The following FBLN2 variants were observed in gnomAD, a reference collection of about 807,000 sequenced individuals.
FBLN2 encodes the protein fibulin 2.
FBLN2 carries 81 observed loss-of-function variants against 123.7 expected under a neutral mutation model. The observed-to-expected ratio is 0.65, with a 90% CI of 0.55 to 0.79. The LOEUF (loss-of-function observed/expected upper bound fraction) is 0.79, where lower values mean the gene tolerates loss of function less well. FBLN2 is among the 30% of genes least tolerant of loss of function. The pLI is 0.00. For synonymous variants in FBLN2, 699 were observed against 701.4 expected (o/e 1.00, Z 0.05); for missense variants, 1,603 against 1,681.3 (o/e 0.95, Z 0.81).
chr3:13,551,362 C>G (rs945823611), intron 1 of FBLN2, among the ~76,000 whole-genome samples: 1 of 152,142 alleles, frequency 6.6e-6, no homozygotes, highest in Non-Finnish European at 1.5e-5. Context: ...ATGGGGACCC[C>G]GTGAAGCAAG....
chr3:13,600,763 C>A (rs11712649), intron 2 of FBLN2, among the ~76,000 whole-genome samples: 1 of 151,936 alleles, frequency 6.6e-6, no homozygotes, highest in African/African-American at 2.4e-5. Context: ...TTACAGGTGC[C>A]CACCACCATG....
intron 2 of FBLN2, among the ~76,000 whole-genome samples, chr3:13,585,421 C>T (rs1469522683): frequency 2.0e-5 from 3 of 152,132 alleles, no homozygotes; most frequent in Admixed American, 1.3e-4. Flanking sequence ...AGTGCCTGGT[C>T]AAGTTCTAGG....
chr3:13,623,485 C>T (rs528269143), intron 9 of FBLN2, among the ~76,000 whole-genome samples: 1 of 152,362 alleles, frequency 6.6e-6, no homozygotes, highest in South Asian at 2.1e-4. Flanking sequence ...AGCACCTCTT[C>T]ATCCTTCCAT....
chr3:13,554,198 C>T (rs77791264), intron 1 of FBLN2, among the ~76,000 whole-genome samples: 5,588 of 152,306 alleles, frequency 0.037, 359 homozygotes, highest in African/African-American at 0.13. Context: ...TGCTGCTGGC[C>T]GTAGCTGGTT....
In FBLN2 at chr3:13,595,958, T is replaced by C. The variant is rs567933968; in HGVS notation, c.1307-12104T>C. 2.0e-5 allele frequency among the ~76,000 whole-genome samples: 3 copies of C among 152,304 alleles called. No individual in the cohort carries two copies. The South Asian group carries it at 6.2e-4, about 32-fold the overall frequency. ...CAGTTACCAGTTTCTTGGGTATCCT[T>C]CCAGAAATAATCCATGCATATCCAT... On this transcript the variant is annotated intron_variant, in intron 2 of 17. Transcript: ENST00000404922.
chr3:13,619,677 G>A (rs1324829181), intron 7 of FBLN2, 53 bp from the exon 8 acceptor site: 1 of 1,501,214 alleles, frequency 6.7e-7, no homozygotes, highest in Non-Finnish European at 9.2e-7. Flanking sequence ...ATGAGCCAGT[G>A]TGGACCAAGG....
intron 2 of FBLN2, among the ~76,000 whole-genome samples, chr3:13,583,208 A>T (rs1704393246): frequency 1.3e-5 from 2 of 152,234 alleles, no homozygotes; most frequent in Admixed American, 6.5e-5. Flanking sequence ...TGCCACCCTC[A>T]CAGGTCACCC....
chr3:13,576,690 A>T (rs1704153959), intron 2 of FBLN2, among the ~76,000 whole-genome samples: 1 of 150,772 alleles, frequency 6.6e-6, no homozygotes, highest in South Asian at 2.1e-4. Context: ...GGTGAGGAGG[A>T]ATTACTGAGA....
chr3:13,550,921 C>T (rs1489503737), intron 1 of FBLN2, among the ~76,000 whole-genome samples: 1 of 152,214 alleles, frequency 6.6e-6, no homozygotes, highest in Non-Finnish European at 1.5e-5. Flanking sequence ...TAGCTGCCTG[C>T]ATTTACAAAT....
chr3:13,582,218 C>T (rs1177987811), intron 2 of FBLN2, among the ~76,000 whole-genome samples: 2 of 152,172 alleles, frequency 1.3e-5, no homozygotes, highest in Non-Finnish European at 2.9e-5. Flanking sequence ...GAGCCCTGGG[C>T]TGCATCCTGT....
chr3:13,580,270 G>GT (rs1704281236), intron 2 of FBLN2, among the ~76,000 whole-genome samples: 1 of 152,086 alleles, frequency 6.6e-6, no homozygotes, highest in Non-Finnish European at 1.5e-5. Context: ...TTATATGGAC[G>GT]TATTTTTATA....
intron 2 of FBLN2, among the ~76,000 whole-genome samples, chr3:13,607,565 TC>T (rs374750408): frequency 2.0e-5 from 3 of 152,144 alleles, no homozygotes; most frequent in African/African-American, 7.2e-5. Context: ...AGCTTAAACT[TC>T]CCTTGCTGCC....
intron 2 of FBLN2, among the ~76,000 whole-genome samples, chr3:13,606,640 A>T (rs1452180857): frequency 6.7e-6 from 1 of 149,554 alleles, no homozygotes; most frequent in African/African-American, 2.5e-5. Flanking sequence ...TTTATATGTT[A>T]TATATATTAT....
At chr3:13,617,704 C>T (rs1451893616) in intron 5 of FBLN2, among the ~76,000 whole-genome samples, 2 of 127,316 alleles carry the variant, frequency 1.6e-5, no homozygotes, top group Admixed American at 7.6e-5. Context: ...TCCATCCATC[C>T]ATCCATCCAT....
At chr3:13,593,090 C>A (rs140338235) in intron 2 of FBLN2, among the ~76,000 whole-genome samples, 2 of 152,184 alleles carry the variant, frequency 1.3e-5, no homozygotes, top group Non-Finnish European at 1.5e-5. Flanking sequence ...AACATAGTCA[C>A]GAGGTCAGCC....
chr3:13,613,831 AG>A, intron 4 of FBLN2, 152 bp from the exon 5 acceptor site: 1 of 717,736 alleles, frequency 1.4e-6, no homozygotes. Context: ...CTTGGGAAAT[AG>A]AGGCAGAGGA....
chr3:13,586,870 G>A (rs1404132030), intron 2 of FBLN2, among the ~76,000 whole-genome samples: 1 of 151,350 alleles, frequency 6.6e-6, no homozygotes, highest in East Asian at 1.9e-4. Flanking sequence ...AAAATAGGCT[G>A]GGTGCGGTGG....
intron 5 of FBLN2, among the ~76,000 whole-genome samples, chr3:13,617,200 A>G (rs1315691773): frequency 6.6e-6 from 1 of 151,520 alleles, no homozygotes; most frequent in Non-Finnish European, 1.5e-5. Context: ...CCATCCATCC[A>G]TCTACCTACC....
chr3:13,615,692 G>T (rs1430992508), intron 5 of FBLN2, among the ~76,000 whole-genome samples: 1 of 152,230 alleles, frequency 6.6e-6, no homozygotes, highest in Non-Finnish European at 1.5e-5. Context: ...CACTGTTGCT[G>T]TTACCGTTGC....
Sources: gnomAD v4.1 joint callset for allele counts (sites outside exome capture counted in the v4.1 genomes callset) on GRCh38, gnomAD v4.1.1 for gene constraint, MANE v1.5 for transcripts, NCBI Gene and HGNC (gene_info 2026-07-23, HGNC 2026-07-21) for gene names.